CTNND2: variants seen among roughly 807,000 people sequenced by gnomAD.
The protein encoded by CTNND2 is catenin delta-2.
A neutral mutation model predicts 144.4 loss-of-function variants in CTNND2; 22 were observed. The observed-to-expected ratio is 0.15, with a 90% CI of 0.11 to 0.22. The LOEUF (loss-of-function observed/expected upper bound fraction) is 0.22. CTNND2 is among the 10% of genes least tolerant of loss of function. The pLI is 1.00. For missense variants in CTNND2, 1,353 were observed against 1,618.8 expected, an observed-to-expected ratio of 0.84 and a Z score of 2.82; for synonymous variants, 751 against 695.6, an observed-to-expected ratio of 1.08 and a Z score of -1.25.
chr5:11,541,824 A>C (rs866169758), intron 3 of CTNND2, among the ~76,000 whole-genome samples: 1 of 138,084 alleles, frequency 7.2e-6, no homozygotes, highest in Admixed American at 7.5e-5. Flanking sequence ...TTGTCAACTT[A>C]TTATTTATTA....
chr5:11,081,671 T>C (rs1415012096), intron 16 of CTNND2, among the ~76,000 whole-genome samples: 1 of 152,236 alleles, frequency 6.6e-6, no homozygotes, highest in Non-Finnish European at 1.5e-5. Flanking sequence ...TCTATGATTA[T>C]AACTTACTAG....
intron 1 of CTNND2, among the ~76,000 whole-genome samples, chr5:11,808,373 GACAA>G (rs201641282): frequency 0.012 from 1,821 of 151,182 alleles, 31 homozygotes; most frequent in African/African-American, 0.041. Context: ...GTGGGGAACG[GACAA>G]ACAAACAGGC....
intron 1 of CTNND2, among the ~76,000 whole-genome samples, chr5:11,842,942 CA>C (rs2126986739): frequency 6.6e-6 from 1 of 152,228 alleles, no homozygotes; most frequent in East Asian, 1.9e-4. Context: ...GGAACAGGTA[CA>C]GCAGTTTTTT....
chr5:11,672,909 C>T (rs1297544572), intron 2 of CTNND2, among the ~76,000 whole-genome samples: 1 of 152,176 alleles, frequency 6.6e-6, no homozygotes, highest in Admixed American at 6.5e-5. Flanking sequence ...CCCCACCCTG[C>T]TTCGGCTCAC....
intron 16 of CTNND2, among the ~76,000 whole-genome samples, chr5:11,043,436 G>A (rs1283714832): frequency 6.6e-6 from 1 of 152,074 alleles, no homozygotes. Flanking sequence ...TACATGTGAT[G>A]AGTTTAAAAC....
chr5:11,384,483 C>G lies in CTNND2; in HGVS notation c.1177+182G>C. 1 of 601,250 alleles carries G rather than the reference C, an allele frequency of 1.7e-6. No individual in the cohort carries two copies. The allele number at this position is 601,250 out of a possible 1,614,324, so 37.2% of individuals were successfully genotyped here. On this transcript the variant is annotated intron_variant, in intron 7 of 21. Coordinates refer to ENST00000304623, the MANE Select transcript of CTNND2 (RefSeq NM_001332.4). The surrounding 1 kb of genome is among the most constrained non-coding windows in gnomAD (Gnocchi z 5.2). Reference sequence around the variant, plus strand: ...CCACATTACTCCGGAAAAGAAGTCACTGACAAACTGTAGGGAAGATACTGA... The same window carrying G: ...CCACATTACTCCGGAAAAGAAGTCAGTGACAAACTGTAGGGAAGATACTGA...
intron 21 of CTNND2, among the ~76,000 whole-genome samples, chr5:10,977,257 C>T (rs1036380886): frequency 1.3e-5 from 2 of 152,144 alleles, no homozygotes; most frequent in South Asian, 2.1e-4. Flanking sequence ...CTAAGGACAC[C>T]AGGAAGGAAC....
At chr5:11,166,267 G>A (rs866343956) in intron 11 of CTNND2, among the ~76,000 whole-genome samples, 2 of 73,660 alleles carry the variant, frequency 2.7e-5, no homozygotes, top group Non-Finnish European at 5.0e-5. Context: ...TTTTTTTTTT[G>A]AGATGGAGTC....
chr5:11,874,251 G>A (rs1229849173), intron 1 of CTNND2, among the ~76,000 whole-genome samples: 1 of 152,136 alleles, frequency 6.6e-6, no homozygotes, highest in Non-Finnish European at 1.5e-5. Context: ...AACCACAGCA[G>A]TAATATCAAA....
At chr5:11,014,345 T>C (rs761835056) in intron 18 of CTNND2, among the ~76,000 whole-genome samples, 2 of 152,192 alleles carry the variant, frequency 1.3e-5, no homozygotes, top group African/African-American at 2.4e-5. Context: ...TCAAGAACTT[T>C]CCATCTCCTA....
chr5:11,730,437 T>C (rs764332540), intron 2 of CTNND2, among the ~76,000 whole-genome samples: 3 of 152,234 alleles, frequency 2.0e-5, no homozygotes, highest in Non-Finnish European at 4.4e-5. Context: ...TTTAAGTGAA[T>C]AGGCATATAT....
rs1313622265 is a variant in CTNND2 at position 11,743,536 on chromosome 5, T to C, written c.38-11264A>G. Among the ~76,000 whole-genome samples the C allele has an allele frequency of 2.0e-5, 3 of 152,052 alleles. 1 individual carries two copies. Among genetic ancestry groups the C allele is most frequent in the African/African-American group, 7.2e-5 (3 of 41,390 alleles). On this transcript the variant is annotated intron_variant, in intron 1 of 21. Transcript: ENST00000304623. ...TGCAAATATAGAATCTGGCAAAACA[T>C]ATAGAGAAGATCATGCAAGGATGGG...
At chr5:11,495,749 G>C (rs1230439865) in intron 3 of CTNND2, among the ~76,000 whole-genome samples, 1 of 152,166 alleles carries the variant, frequency 6.6e-6, no homozygotes, top group Admixed American at 6.5e-5. Flanking sequence ...AAGGCTTGAA[G>C]TTCAGCTCTT....
intron 9 of CTNND2, among the ~76,000 whole-genome samples, chr5:11,293,803 T>C (rs2150019888): frequency 6.9e-6 from 1 of 144,756 alleles, no homozygotes; most frequent in South Asian, 2.2e-4. Flanking sequence ...CCCACATTTC[T>C]TGGAGTCTTT....
intron 3 of CTNND2, among the ~76,000 whole-genome samples, chr5:11,419,949 GTT>G (rs34868203): frequency 6.6e-6 from 1 of 152,120 alleles, no homozygotes; most frequent in Admixed American, 6.6e-5. Context: ...AGAACTATGA[GTT>G]TTTTTGTTAG....
intron 9 of CTNND2, among the ~76,000 whole-genome samples, chr5:11,249,628 T>C (rs1012602148): frequency 7.9e-5 from 12 of 152,210 alleles, no homozygotes; most frequent in African/African-American, 2.9e-4. Context: ...TCATATTTTC[T>C]ATTCATATTT....
intron 1 of CTNND2, among the ~76,000 whole-genome samples, chr5:11,850,807 A>G (rs1284056681): frequency 2.0e-5 from 3 of 152,230 alleles, no homozygotes; most frequent in Admixed American, 1.3e-4. Flanking sequence ...TAATTTATAC[A>G]GTAAATAAAT....
chr5:11,452,725 G>T (rs545645811), intron 3 of CTNND2, among the ~76,000 whole-genome samples: 2 of 151,948 alleles, frequency 1.3e-5, no homozygotes, highest in Non-Finnish European at 2.9e-5. Context: ...ATAAAATATC[G>T]GCTGGTTTCA....
chr5:11,552,259 C>A (rs912908707), intron 3 of CTNND2, among the ~76,000 whole-genome samples: 1 of 152,116 alleles, frequency 6.6e-6, no homozygotes, highest in African/African-American at 2.4e-5. Context: ...AACACTATTC[C>A]AGTTCCTTAG....
Sources: allele counts gnomAD v4.1 joint callset (sites outside exome capture counted in the v4.1 genomes callset), GRCh38; gene constraint gnomAD v4.1.1; non-coding constraint Gnocchi (gnomAD v3.1); transcripts MANE v1.5; gene names NCBI Gene and HGNC (gene_info 2026-07-23, HGNC 2026-07-21).